Variants in TTC27 observed in about 807,000 individuals in gnomAD.
TTC27 encodes the protein tetratricopeptide repeat protein 27.
In TTC27, 79 loss-of-function variants were observed where a neutral mutation model predicts 115.9. The observed-to-expected ratio is 0.68, with a 90% confidence interval of 0.57 to 0.82. The LOEUF (loss-of-function observed/expected upper bound fraction) is 0.82, where lower values mean the gene tolerates loss of function less well. Among genes scored for constraint, TTC27 ranks in the 40% least tolerant of loss-of-function variants. The pLI, the probability that TTC27 is intolerant of heterozygous loss-of-function variation, is 0.00. For missense variants in TTC27, 1,054 were observed against 993.1 expected (o/e 1.06, Z -0.82); for synonymous variants, 401 against 356.0 (o/e 1.13, Z -1.42).
chr2:32,652,511 T>G (rs1665167099), intron 5 of TTC27, among the ~76,000 whole-genome samples: 1 of 152,212 alleles, frequency 6.6e-6, no homozygotes, highest in Non-Finnish European at 1.5e-5. Flanking sequence ...AATGTGACTC[T>G]AAGTGACTCA....
intron 12 of TTC27, among the ~76,000 whole-genome samples, chr2:32,741,382 G>C (rs371368083): frequency 6.6e-6 from 1 of 151,846 alleles, no homozygotes; most frequent in African/African-American, 2.4e-5. Flanking sequence ...GGTGGCTCAC[G>C]CCTGTAATCC....
chr2:32,628,475 C>G lies in TTC27; in HGVS notation c.88+95C>G, dbSNP rs538524847. Reference sequence around the variant, plus strand: ...TTCTCATCCCTCCCTTCATTTTTCCCTAACACAGTCTAGCTGATTCCTTGA... The same window carrying G: ...TTCTCATCCCTCCCTTCATTTTTCCGTAACACAGTCTAGCTGATTCCTTGA... On this transcript the variant is annotated intron_variant, in intron 1 of 19. Coordinates refer to ENST00000317907, the MANE Select transcript of TTC27 (RefSeq NM_017735.5). 9.1e-5 allele frequency: 110 copies of G among 1,214,416 alleles called. No individual in the cohort carries two copies. The African/African-American group carries it at 1.6e-3, about 18-fold the overall frequency. The allele number at this position is 1,214,416 out of a possible 1,614,324, so 75.2% of individuals were successfully genotyped here. A position where few individuals can be genotyped will look rare whatever the true frequency, so the allele number is the denominator to read the frequency against.
intron 13 of TTC27, among the ~76,000 whole-genome samples, chr2:32,764,658 A>G (rs1445790054): frequency 2.0e-5 from 3 of 152,334 alleles, no homozygotes; most frequent in East Asian, 3.9e-4. Flanking sequence ...TCTGTAGCAT[A>G]CAATGGTGTT....
At chr2:32,742,467 C>T (rs1009087773) in intron 12 of TTC27, among the ~76,000 whole-genome samples, 4 of 152,148 alleles carry the variant, frequency 2.6e-5, no homozygotes, top group Admixed American at 2.6e-4. Context: ...GGTGTTGTCA[C>T]ACATATAACT....
chr2:32,687,662 A>G (rs1011414495), intron 9 of TTC27, among the ~76,000 whole-genome samples: 1 of 152,228 alleles, frequency 6.6e-6, no homozygotes, highest in African/African-American at 2.4e-5. Context: ...TTGCTAAATT[A>G]TTATAAAGTA....
intron 12 of TTC27, among the ~76,000 whole-genome samples, chr2:32,740,851 C>T (rs1391518363): frequency 6.6e-6 from 1 of 152,074 alleles, no homozygotes; most frequent in African/African-American, 2.4e-5. Flanking sequence ...GATGAGGGTT[C>T]ACCATATTGG....
intron 13 of TTC27, among the ~76,000 whole-genome samples, chr2:32,768,566 A>G (rs1250158315): frequency 1.3e-5 from 2 of 152,236 alleles, no homozygotes; most frequent in African/African-American, 2.4e-5. Context: ...AATGGACAGA[A>G]CTAGTTTCCA....
Position 32,666,746 on chromosome 2 carries a change from C to G in TTC27, c.917C>G (p.Thr306Ser), listed in dbSNP as rs1665792354. Residue 306 changes from threonine (T) to serine (S), a missense_variant, in exon 7 of 20, where the codon ACT (threonine) becomes AGT (serine). By Grantham distance (58) the Thr-to-Ser change is moderately conservative. Coordinates refer to ENST00000317907, the MANE Select transcript of TTC27 (RefSeq NM_017735.5). ...AATTGTGAATTCACTCCAGCACCCA[C>G]TCCTCAGGAACATTTAACCAAGGCA... ...LSNCEFTPAP[T>S]PQEHLTKNLE... The G allele has an allele frequency of 1.2e-6, 2 of 1,613,342 alleles. No individual in the cohort carries two copies. Among genetic ancestry groups the G allele is most frequent in the Non-Finnish European group, 1.7e-6 (2 of 1,179,580 alleles).
At chr2:32,711,889 GA>G (rs1667593414) in intron 10 of TTC27, among the ~76,000 whole-genome samples, 1 of 152,046 alleles carries the variant, frequency 6.6e-6, no homozygotes, top group African/African-American at 2.4e-5. Flanking sequence ...GCAGTGAGCC[GA>G]GATTGTGCCA....
chr2:32,792,329 A>C (rs961660912), intron 16 of TTC27, among the ~76,000 whole-genome samples: 1 of 152,164 alleles, frequency 6.6e-6, no homozygotes, highest in East Asian at 1.9e-4. Flanking sequence ...AGCTTTGGAA[A>C]ATAGGTATTC....
intron 10 of TTC27, among the ~76,000 whole-genome samples, chr2:32,724,534 C>T (rs998523158): frequency 6.6e-6 from 1 of 151,928 alleles, no homozygotes; most frequent in Non-Finnish European, 1.5e-5. Context: ...TTTGATGAAG[C>T]AGTAAATATT....
intron 4 of TTC27, among the ~76,000 whole-genome samples, chr2:32,644,872 C>CTTTTTTTT (rs35904079): frequency 1.2e-5 from 1 of 83,328 alleles, no homozygotes; most frequent in Non-Finnish European, 2.3e-5. Context: ...TTCCTTTCTG[C>CTTTTTTTT]TTTTTTTTTT....
chr2:32,791,365 G>T (rs1670528765), intron 16 of TTC27, among the ~76,000 whole-genome samples: 1 of 152,116 alleles, frequency 6.6e-6, no homozygotes, highest in Non-Finnish European at 1.5e-5. Context: ...TTCATTTGTT[G>T]TTTATATGTG....
At chr2:32,808,249 T>C (rs550074498) in intron 16 of TTC27, among the ~76,000 whole-genome samples, 16 of 152,308 alleles carry the variant, frequency 1.1e-4, no homozygotes, top group African/African-American at 3.1e-4. Context: ...TGCCCTCTTC[T>C]TAAATGTTGT....
intron 16 of TTC27, among the ~76,000 whole-genome samples, chr2:32,794,279 A>G (rs1008719007): frequency 6.6e-6 from 1 of 152,236 alleles, no homozygotes; most frequent in Non-Finnish European, 1.5e-5. Flanking sequence ...GGATGAAATT[A>G]CAAATCAATA....
At chr2:32,724,271 G>T (rs1460436153) in intron 10 of TTC27, among the ~76,000 whole-genome samples, 1 of 152,046 alleles carries the variant, frequency 6.6e-6, no homozygotes, top group Non-Finnish European at 1.5e-5. Flanking sequence ...GGAGTCCTTA[G>T]GCCATTTCAG....
chr2:32,793,797 A>G (rs1670613939), intron 16 of TTC27, among the ~76,000 whole-genome samples: 1 of 152,184 alleles, frequency 6.6e-6, no homozygotes, highest in Admixed American at 6.6e-5. Context: ...TGCTGGGATT[A>G]CAGGTGTGAG....
chr2:32,671,546 A>G (rs1476600786), intron 7 of TTC27, among the ~76,000 whole-genome samples: 1 of 152,218 alleles, frequency 6.6e-6, no homozygotes, highest in Non-Finnish European at 1.5e-5. Context: ...ACTGTATTCT[A>G]TTCCATTCAC....
At chr2:32,724,142 G>A (rs1668033352) in intron 10 of TTC27, among the ~76,000 whole-genome samples, 1 of 152,000 alleles carries the variant, frequency 6.6e-6, no homozygotes, top group Admixed American at 6.6e-5. Flanking sequence ...ACTAAGCAGG[G>A]TCCCCTGGAG....
Sources: allele counts gnomAD v4.1 joint callset (sites outside exome capture counted in the v4.1 genomes callset), GRCh38; gene constraint gnomAD v4.1.1; transcripts MANE v1.5; gene names NCBI Gene and HGNC (gene_info 2026-07-23, HGNC 2026-07-21).